Variants in GPR183 observed in about 807,000 individuals in gnomAD.
GPR183 encodes the protein EBV-induced G-protein coupled receptor 2.
GPR183 carries 9 observed loss-of-function variants against 19.7 expected under a neutral mutation model. The observed-to-expected ratio is 0.46, with a 90% CI of 0.28 to 0.80. GPR183 has a LOEUF of 0.80. Ranked by LOEUF, GPR183 falls within the 30% of genes least tolerant of loss-of-function variation. The pLI is 0.13. For missense variants in GPR183, 368 were observed against 446.7 expected, an observed-to-expected ratio of 0.82 and a Z score of 1.59; for synonymous variants, 160 against 155.1, an observed-to-expected ratio of 1.03 and a Z score of -0.24.
chr13:99,305,650 G>A (rs1229249662), intron 1 of GPR183, among the ~76,000 whole-genome samples: 2 of 152,128 alleles, frequency 1.3e-5, no homozygotes, highest in African/African-American at 4.8e-5. Context: ...ACTGGTCATG[G>A]TACTAATTAG....
At chr13:99,300,740 T>C (rs1384667763) in intron 1 of GPR183, among the ~76,000 whole-genome samples, 1 of 152,224 alleles carries the variant, frequency 6.6e-6, no homozygotes, top group African/African-American at 2.4e-5. Flanking sequence ...GCGTTGAACA[T>C]GTGCTGTTAT....
At chr13:99,304,307 C>T (rs2044299256) in intron 1 of GPR183, among the ~76,000 whole-genome samples, 1 of 152,172 alleles carries the variant, frequency 6.6e-6, no homozygotes, top group Non-Finnish European at 1.5e-5. Flanking sequence ...TCTTACTTTC[C>T]TTCAAGCCTT....
intron 1 of GPR183, among the ~76,000 whole-genome samples, chr13:99,299,161 T>C (rs2044220100): frequency 6.6e-6 from 1 of 152,170 alleles, no homozygotes; most frequent in Non-Finnish European, 1.5e-5. Context: ...TCTGACTGCA[T>C]CACCAAATAA....
intron 1 of GPR183, among the ~76,000 whole-genome samples, chr13:99,301,439 G>A (rs1283069022): frequency 6.6e-6 from 1 of 152,180 alleles, no homozygotes; most frequent in Non-Finnish European, 1.5e-5. Context: ...ATCCTAACAT[G>A]TGTAAAACAG....
intron 1 of GPR183, among the ~76,000 whole-genome samples, chr13:99,306,728 A>G (rs1479539914): frequency 1.3e-5 from 2 of 152,186 alleles, no homozygotes; most frequent in Non-Finnish European, 2.9e-5. Flanking sequence ...ACAAGTATAA[A>G]CCACACAACA....
chr13:99,296,416 T>C (rs190369184), intron 1 of GPR183, among the ~76,000 whole-genome samples: 1 of 152,336 alleles, frequency 6.6e-6, no homozygotes, highest in East Asian at 1.9e-4. Flanking sequence ...GGCAAAGCTC[T>C]GGCAAAGGAA....
chr13:99,301,279 G>A (rs2044253158), intron 1 of GPR183, among the ~76,000 whole-genome samples: 1 of 152,210 alleles, frequency 6.6e-6, no homozygotes, highest in Non-Finnish European at 1.5e-5. Context: ...GTGGAACAGG[G>A]CCCTGTCGGC....
chr13:99,296,417 G>T (rs551731303), intron 1 of GPR183, among the ~76,000 whole-genome samples: 1 of 152,226 alleles, frequency 6.6e-6, no homozygotes, highest in African/African-American at 2.4e-5. Context: ...GCAAAGCTCT[G>T]GCAAAGGAAA....
intron 1 of GPR183, among the ~76,000 whole-genome samples, chr13:99,297,979 A>G (rs1333830212): frequency 6.6e-6 from 1 of 152,158 alleles, no homozygotes; most frequent in Non-Finnish European, 1.5e-5. Flanking sequence ...GGCAAATTCA[A>G]TATTAATAGG....
Position 99,295,801 on chromosome 13 carries a change from T to C in GPR183, c.345A>G (p.Thr115=), listed in dbSNP as rs753117807. 1.9e-6 allele frequency: 3 copies of C among 1,612,364 alleles called. No homozygotes were observed. Among genetic ancestry groups the C allele is most frequent in the East Asian group, 2.2e-5 (1 of 44,874 alleles). The change falls in exon 2 of 2, where the codon ACA becomes ACG. Residue 115 remains threonine (T), a synonymous_variant. Transcript: ENST00000376414. This position sits in a 1 kb window ranked among gnomAD's most constrained non-coding sequence, Gnocchi z 4.1. The stretch of plus-strand genomic sequence containing the variant: ...AGGTCATAAAGTTCACACCTGCATA[T>C]GTGTTGATGTAAAACACTAGCGCAG... The part of the protein sequence containing the change: ...RITALVFYIN[T]YAGVNFMTCL...
chr13:99,299,369 T>C (rs1266065966), intron 1 of GPR183, among the ~76,000 whole-genome samples: 1 of 152,178 alleles, frequency 6.6e-6, no homozygotes, highest in African/African-American at 2.4e-5. Flanking sequence ...TGAAAATGCC[T>C]GTTTCTTGAC....
Position 99,301,466 on chromosome 13 carries a change from C to G in GPR183, c.-18-5303G>C, listed in dbSNP as rs2044255554. On this transcript the variant is annotated intron_variant, in intron 1 of 1. Transcript: ENST00000376414. ...GTAAAACAGTAAGTTTCTTCCTCAG[C>G]AAAATATCTTCCAAAGTATTTTTAC... 2.0e-5 allele frequency among the ~76,000 whole-genome samples: 3 copies of G among 152,206 alleles called. No individual in the cohort carries two copies. In the South Asian group the frequency reaches 6.2e-4, roughly 32 times the overall value.
rs1165930533 is a variant in GPR183, at chr13:99,295,838, A to C, written c.308T>G (p.Leu103Trp). Residue 103 changes from leucine (L) to tryptophan (W), a missense_variant, in exon 2 of 2, where the codon TTG becomes TGG. Physicochemically the swap from Leu to Trp is moderately conservative, Grantham distance 61. Coordinates refer to ENST00000376414, the MANE Select transcript of GPR183 (RefSeq NM_004951.5). The surrounding 1 kb of genome is among the most constrained non-coding windows in gnomAD (Gnocchi z 4.1). ...AAACACTAGCGCAGTTATCCTACAC[A>C]AGGCATCTCCGATTCTCCAGTCAAA... is the stretch of plus-strand genomic sequence containing the variant. The part of the protein sequence containing the change: ...MGFDWRIGDA[L>W]CRITALVFYI... 1.2e-6 allele frequency: 2 copies of C among 1,606,510 alleles called. No individual in the cohort carries two copies. The highest frequency in any genetic ancestry group is 1.7e-6 in the Non-Finnish European group (2 of 1,175,080).
intron 1 of GPR183, among the ~76,000 whole-genome samples, chr13:99,301,550 T>TAG (rs1270357635): frequency 5.6e-4 from 86 of 152,352 alleles, no homozygotes; most frequent in Non-Finnish European, 8.4e-4. Context: ...TCATTGCTAA[T>TAG]AGAGTTGCTA....
intron 1 of GPR183, among the ~76,000 whole-genome samples, chr13:99,304,266 T>A (rs2044298330): frequency 6.6e-6 from 1 of 152,220 alleles, no homozygotes; most frequent in South Asian, 2.1e-4. Context: ...CTCTGTTTGA[T>A]GTCCTCTGGC....
chr13:99,302,093 A>G (rs2044265294), intron 1 of GPR183, among the ~76,000 whole-genome samples: 1 of 152,182 alleles, frequency 6.6e-6, no homozygotes, highest in African/African-American at 2.4e-5. Flanking sequence ...GGTGACCTAA[A>G]TCAATGTGCC....
rs1249603745 is a variant in GPR183, at chr13:99,296,114, G to A, written c.32C>T (p.Pro11Leu). 7.5e-6 allele frequency: 12 copies of A among 1,604,546 alleles called. No individual in the cohort carries two copies. The South Asian group carries it at 8.9e-5, about 12-fold the overall frequency. MDIQMANNFTPPSATPQGNDC... is the reference protein window; with the variant it reads MDIQMANNFTLPSATPQGNDC... ...ATTTCCCTGAGGAGTTGCAGAGGGC[G>A]GAGTAAAATTGTTTGCCATTTGTAT... The change falls in exon 2 of 2, where the codon CCG (proline) becomes CTG (leucine). Residue 11 changes from proline (P) to leucine (L), a missense_variant. By Grantham distance (98) the Pro-to-Leu change is moderately conservative (BLOSUM62 -3). Coordinates refer to ENST00000376414, the MANE Select transcript of GPR183 (RefSeq NM_004951.5).
chr13:99,295,915 A>G lies in GPR183; in HGVS notation c.231T>C (p.Asp77=), dbSNP rs1336347535. The change falls in exon 2 of 2, where the codon GAT becomes GAC. Residue 77 remains aspartate, a synonymous_variant. Transcript: ENST00000376414. This position sits in a 1 kb window ranked among gnomAD's most constrained non-coding sequence, Gnocchi z 4.1. ...TAGGCAAAGCGGTGGTAAAAAGTATATCAGAAATCACCAAATTTGTTGAAT... is the reference window on the plus strand; with the variant it reads ...TAGGCAAAGCGGTGGTAAAAAGTATGTCAGAAATCACCAAATTTGTTGAAT... ...TLYSTNLVIS[D]ILFTTALPTR... 1.2e-6 allele frequency: 2 copies of G among 1,613,782 alleles called. No individual in the cohort carries two copies. Among genetic ancestry groups the G allele is most frequent in the South Asian group, 2.2e-5 (2 of 91,058 alleles).
intron 1 of GPR183, among the ~76,000 whole-genome samples, chr13:99,302,295 G>T (rs923060627): frequency 2.6e-5 from 4 of 152,192 alleles, no homozygotes; most frequent in African/African-American, 9.7e-5. Context: ...GGAGCAGGGA[G>T]AAATAAAATC....
Sources: allele counts gnomAD v4.1 joint callset (sites outside exome capture counted in the v4.1 genomes callset), GRCh38; gene constraint gnomAD v4.1.1; non-coding constraint Gnocchi (gnomAD v3.1); transcripts MANE v1.5; gene names NCBI Gene and HGNC (gene_info 2026-07-23, HGNC 2026-07-21).